SAMMSON: variants seen among roughly 807,000 people sequenced by gnomAD.
The protein encoded by SAMMSON is long intergenic non-protein coding RNA 1212.
chr3:70,168,203 G>A (rs544649738), intron 4 of SAMMSON, among the ~76,000 whole-genome samples: 71 of 151,984 alleles, frequency 4.7e-4, no homozygotes, highest in African/African-American at 1.6e-3. Context: ...CAATCATCAC[G>A]CAGGCTAGTG....
At chr3:70,005,772 C>T (rs2066924279) in intron 1 of SAMMSON, among the ~76,000 whole-genome samples, 2 of 152,214 alleles carry the variant, frequency 1.3e-5, no homozygotes, top group African/African-American at 2.4e-5. Context: ...AAGACCAGAA[C>T]ACATTGCTTC....
chr3:70,375,040 A>G (rs756915716), intron 9 of SAMMSON, among the ~76,000 whole-genome samples: 1 of 152,096 alleles, frequency 6.6e-6, no homozygotes, highest in Non-Finnish European at 1.5e-5. Flanking sequence ...TTATATATCT[A>G]TATGTGTGCA....
At chr3:70,057,636 A>G (rs1357886324) in intron 3 of SAMMSON, among the ~76,000 whole-genome samples, 1 of 151,796 alleles carries the variant, frequency 6.6e-6, no homozygotes, top group African/African-American at 2.4e-5. Flanking sequence ...ATACATATGC[A>G]TATACATATG....
chr3:70,409,640 G>A (rs947809161), intron 2 of SAMMSON, among the ~76,000 whole-genome samples: 6 of 152,040 alleles, frequency 3.9e-5, no homozygotes, highest in Non-Finnish European at 8.8e-5. Flanking sequence ...GGTGGTCTGC[G>A]TCATCAAGGC....
intron 4 of SAMMSON, among the ~76,000 whole-genome samples, chr3:70,079,471 G>A (rs2067260245): frequency 6.6e-6 from 1 of 152,170 alleles, no homozygotes; most frequent in Non-Finnish European, 1.5e-5. Context: ...TCACGATGGT[G>A]TGAAAGTGAT....
intron 7 of SAMMSON, among the ~76,000 whole-genome samples, chr3:70,303,507 CT>C (rs1702369725): frequency 6.6e-6 from 1 of 152,134 alleles, no homozygotes; most frequent in Non-Finnish European, 1.5e-5. Flanking sequence ...CCTGATTCTC[CT>C]GAACCTAGAT....
chr3:70,313,367 A>T (rs1463113229), intron 7 of SAMMSON, among the ~76,000 whole-genome samples: 1 of 151,800 alleles, frequency 6.6e-6, no homozygotes, highest in East Asian at 1.9e-4. Flanking sequence ...AATCCTAGCT[A>T]TGTGAGAGGT....
chr3:70,284,778 G>C (rs953429289), intron 6 of SAMMSON, among the ~76,000 whole-genome samples: 1 of 151,946 alleles, frequency 6.6e-6, no homozygotes, highest in Non-Finnish European at 1.5e-5. Flanking sequence ...AGAGGATCAG[G>C]GAAAATAACT....
intron 2 of SAMMSON, among the ~76,000 whole-genome samples, chr3:70,395,947 A>G (rs184872996): frequency 6.6e-6 from 1 of 152,288 alleles, no homozygotes; most frequent in Non-Finnish European, 1.5e-5. Flanking sequence ...ACTTGGTGTG[A>G]ATTCATGCCT....
intron 4 of SAMMSON, among the ~76,000 whole-genome samples, chr3:70,147,336 AAGACAAG>A (rs1188269528): frequency 6.6e-6 from 1 of 152,034 alleles, no homozygotes; most frequent in Non-Finnish European, 1.5e-5. Context: ...TTTTTATGAA[AAGACAAG>A]AGATTTACAA....
At chr3:70,108,440 T>A (rs1468656704) in intron 4 of SAMMSON, among the ~76,000 whole-genome samples, 2 of 148,582 alleles carry the variant, frequency 1.3e-5, no homozygotes, top group Middle Eastern at 3.4e-3. Flanking sequence ...TTTTTTTTTT[T>A]TATCATAACT....
At chr3:69,999,732 C>G (rs1054268796), upstream of SAMMSON, 1 of 152,296 alleles carries the variant, frequency 6.6e-6, no homozygotes, top group African/African-American at 2.4e-5. Flanking sequence ...CAGGCCCTAG[C>G]GGGCAGACAC....
chr3:70,094,506 C>T (rs185267573), intron 4 of SAMMSON, among the ~76,000 whole-genome samples: 7 of 152,312 alleles, frequency 4.6e-5, no homozygotes, highest in African/African-American at 1.7e-4. Flanking sequence ...TGAGCTCTCT[C>T]ACCTCTCCCC....
intron 3 of SAMMSON, among the ~76,000 whole-genome samples, chr3:70,040,983 C>A (rs1476826522): frequency 6.6e-6 from 1 of 152,056 alleles, no homozygotes; most frequent in Non-Finnish European, 1.5e-5. Context: ...AGGAGGACTG[C>A]TAAACTCTCA....
chr3:70,348,438 G>T (rs1005962775), intron 7 of SAMMSON, among the ~76,000 whole-genome samples: 3 of 152,088 alleles, frequency 2.0e-5, no homozygotes, highest in African/African-American at 7.2e-5. Context: ...CCTGCTCTCA[G>T]GTTTGCAGAT....
intron 3 of SAMMSON, among the ~76,000 whole-genome samples, chr3:70,035,262 C>T (rs2067081110): frequency 6.6e-6 from 1 of 152,016 alleles, no homozygotes; most frequent in Non-Finnish European, 1.5e-5. Context: ...TTCATGTGTC[C>T]CCCAGCCCCT....
chr3:70,116,472 G>A (rs911308279), intron 4 of SAMMSON, among the ~76,000 whole-genome samples: 6 of 151,816 alleles, frequency 4.0e-5, no homozygotes, highest in African/African-American at 1.4e-4. Flanking sequence ...AAGGCAACAC[G>A]AGAGACTTTT....
chr3:70,432,257 T>C (rs1397051359), intron 2 of SAMMSON, among the ~76,000 whole-genome samples: 3 of 151,942 alleles, frequency 2.0e-5, no homozygotes, highest in Non-Finnish European at 4.4e-5. Context: ...ATTGTGGATT[T>C]TTTTCATGTA....
chr3:70,296,973 T>A (rs1702295331), intron 7 of SAMMSON, among the ~76,000 whole-genome samples: 1 of 152,026 alleles, frequency 6.6e-6, no homozygotes, highest in Admixed American at 6.6e-5. Context: ...ATATCTGATC[T>A]AATATCCCCA....
Sources: allele counts gnomAD v4.1 joint callset (sites outside exome capture counted in the v4.1 genomes callset), GRCh38; gene constraint gnomAD v4.1.1; transcripts MANE v1.5; gene names NCBI Gene and HGNC (gene_info 2026-07-23, HGNC 2026-07-21).